Variants in IQGAP1 observed in about 807,000 individuals in gnomAD.
The protein encoded by IQGAP1 is IQ motif containing GTPase activating protein 1, also known as ras GTPase-activating-like protein IQGAP1.
IQGAP1 carries 66 observed loss-of-function variants against 215.6 expected under a neutral mutation model. The ratio of observed to expected loss-of-function variants is 0.31; its 90% CI spans 0.25 to 0.38. The LOEUF (loss-of-function observed/expected upper bound fraction) is 0.38. IQGAP1 is among the 10% of genes least tolerant of loss of function. The pLI, the probability that IQGAP1 is intolerant of heterozygous loss-of-function variation, is 1.00. For synonymous variants in IQGAP1, 772 were observed against 728.7 expected (o/e 1.06, Z -0.96); for missense variants, 1,712 against 1,997.1 (o/e 0.86, Z 2.72).
intron 35 of IQGAP1, chr15:90,494,033 C>G (rs1966240972): frequency 6.6e-6 from 1 of 152,146 alleles, no homozygotes; most frequent in Admixed American, 6.6e-5. Flanking sequence ...TTTTTTAATG[C>G]TGCATATTAT....
At chr15:90,426,692 C>T (rs993309900) in intron 3 of IQGAP1, among the ~76,000 whole-genome samples, 1 of 151,986 alleles carries the variant, frequency 6.6e-6, no homozygotes, top group South Asian at 2.1e-4. Context: ...CGGTGGCTCA[C>T]GCCGGTAATC....
chr15:90,473,543 TC>T (rs1440839123), intron 19 of IQGAP1, 171 bp from the exon 20 acceptor site: 14 of 592,470 alleles, frequency 2.4e-5, no homozygotes, highest in Non-Finnish European at 3.6e-5. Context: ...ATCGTGTTCT[TC>T]CAGTGGAGGG....
intron 5 of IQGAP1, among the ~76,000 whole-genome samples, 163 bp from the exon 6 acceptor site, chr15:90,439,167 CTG>C (rs1555437285): frequency 1.8e-5 from 1 of 55,296 alleles, no homozygotes; most frequent in African/African-American, 2.1e-4. Flanking sequence ...AAAAAAAAAA[CTG>C]AGGTAAATAG....
At position 90,500,291 on chromosome 15, in the gene IQGAP1, A is replaced by G. The variant is rs559828711; in HGVS notation, c.*183A>G. 21 of 541,238 alleles carry G rather than the reference A, an allele frequency of 3.9e-5. No individual in the cohort carries two copies. Among genetic ancestry groups the G allele is most frequent in the South Asian group, 1.7e-4 (7 of 41,762 alleles). 33.5% of individuals were successfully genotyped at this position (541,238 alleles called of 1,614,324 possible). On this transcript the variant is annotated 3_prime_UTR_variant, in exon 38 of 38. Transcript: ENST00000268182. ...ATGGGACATTTGTTACCCTTTTTTCATAGTGAAATTGTGTTTCAGGCTTAG... is the reference window on the plus strand; with the variant it reads ...ATGGGACATTTGTTACCCTTTTTTCGTAGTGAAATTGTGTTTCAGGCTTAG...
chr15:90,435,767 T>C (rs1343105805), intron 5 of IQGAP1, among the ~76,000 whole-genome samples: 3 of 152,184 alleles, frequency 2.0e-5, no homozygotes, highest in African/African-American at 7.2e-5. Context: ...AGAGAGGAAG[T>C]CTGCTATTGT....
chr15:90,395,469 C>T (rs1475271349), intron 2 of IQGAP1, among the ~76,000 whole-genome samples: 2 of 152,110 alleles, frequency 1.3e-5, no homozygotes, highest in Non-Finnish European at 2.9e-5. Context: ...TACAGGCGCC[C>T]ACCACCACGC....
At chr15:90,481,822 C>A in intron 26 of IQGAP1, 138 bp from the exon 27 acceptor site, 1 of 861,722 alleles carries the variant, frequency 1.2e-6, no homozygotes, top group Non-Finnish European at 1.8e-6. Context: ...CTAGACTTAT[C>A]ACTTACCAGC....
chr15:90,388,786 C>A (rs917600879), intron 1 of IQGAP1, among the ~76,000 whole-genome samples: 1 of 152,196 alleles, frequency 6.6e-6, no homozygotes, highest in Admixed American at 6.5e-5. Flanking sequence ...CGTGGAAAGG[C>A]GCTGCCCTAG....
chr15:90,495,925 G>GTTA (rs541106755), intron 36 of IQGAP1, among the ~76,000 whole-genome samples: 1,977 of 148,096 alleles, frequency 0.013, 25 homozygotes, highest in African/African-American at 0.029. Flanking sequence ...TTATTATTAT[G>GTTA]TTATTATTAT....
Position 90,475,186 on chromosome 15 carries a change from A to G in IQGAP1, c.2784+493A>G, listed in dbSNP as rs1001010656. Among the ~76,000 whole-genome samples, 5 of 151,756 alleles carry G rather than the reference A, an allele frequency of 3.3e-5. 1 individual carries two copies. The East Asian group carries it at 5.9e-4, about 18-fold the overall frequency. On this transcript the variant is annotated intron_variant, in intron 23 of 37. Coordinates refer to ENST00000268182, the MANE Select transcript of IQGAP1 (RefSeq NM_003870.4). ...GGTAATTTTTGTATTTTTACTGGAG[A>G]TGGCGTTTCGCCATGTTGACCAGGC...
intron 12 of IQGAP1, 34 bp downstream of exon 12, chr15:90,452,972 A>G: frequency 6.2e-7 from 1 of 1,610,010 alleles, no homozygotes; most frequent in South Asian, 1.1e-5. Flanking sequence ...TTTGTGAGCA[A>G]AGTTGGGTGG....
intron 8 of IQGAP1, 139 bp from the exon 9 acceptor site, chr15:90,443,255 C>A: frequency 1.9e-6 from 1 of 525,206 alleles, no homozygotes; most frequent in Non-Finnish European, 3.4e-6. Context: ...GTTACTGTGC[C>A]TGCTTTGTTC....
chr15:90,442,739 C>T (rs549191711), intron 8 of IQGAP1, among the ~76,000 whole-genome samples: 2 of 151,652 alleles, frequency 1.3e-5, no homozygotes, highest in Non-Finnish European at 2.9e-5. Flanking sequence ...GAGGCCAAGG[C>T]GGGCAGATCA....
At chr15:90,419,204 G>C (rs750392724) in intron 2 of IQGAP1, among the ~76,000 whole-genome samples, 1 of 151,374 alleles carries the variant, frequency 6.6e-6, no homozygotes, top group African/African-American at 2.4e-5. Flanking sequence ...TCAAGTGAGA[G>C]TTTACTTGCC....
intron 2 of IQGAP1, among the ~76,000 whole-genome samples, chr15:90,397,150 A>G (rs114442764): frequency 0.024 from 3,673 of 152,288 alleles, 132 homozygotes; most frequent in African/African-American, 0.081. Context: ...CACTGCACCC[A>G]GCCTAGCAAA....
intron 13 of IQGAP1, among the ~76,000 whole-genome samples, chr15:90,453,903 C>G (rs1363047809): frequency 6.6e-6 from 1 of 152,224 alleles, no homozygotes; most frequent in African/African-American, 2.4e-5. Flanking sequence ...ACTTTTCCCA[C>G]CATCCCACCA....
Position 90,467,592 on chromosome 15 carries a change from G to A in IQGAP1, c.2178G>A (p.Gln726=). The change falls in exon 18 of 38, where the codon CAG becomes CAA. Residue 726 remains glutamine, a splice_region_variant and synonymous_variant. Coordinates refer to ENST00000268182, the MANE Select transcript of IQGAP1 (RefSeq NM_003870.4). ...NSMQLSREEI[Q]SSISGVTAAY... Reference sequence around the variant, plus strand: ...TGCAGCTTTCTCGGGAGGAGATCCAGGTAGGTTACCTTTCTTCACGTAAGA... The same window carrying A: ...TGCAGCTTTCTCGGGAGGAGATCCAAGTAGGTTACCTTTCTTCACGTAAGA... 6.2e-7 allele frequency: 1 copy of A among 1,604,400 alleles called. No homozygotes were observed. Among genetic ancestry groups the A allele is most frequent in the Non-Finnish European group, 8.5e-7 (1 of 1,177,146 alleles).
At chr15:90,491,286 G>T (rs1966199893) in intron 33 of IQGAP1, 47 bp from the exon 34 acceptor site, 1 of 1,489,128 alleles carries the variant, frequency 6.7e-7, no homozygotes, top group East Asian at 2.3e-5. Context: ...TTCAAGTTTA[G>T]GATTAGTGTG....
chr15:90,398,282 G>A (rs749526538), intron 2 of IQGAP1, among the ~76,000 whole-genome samples: 1 of 152,150 alleles, frequency 6.6e-6, no homozygotes, highest in African/African-American at 2.4e-5. Flanking sequence ...AAGGTTGGTA[G>A]CCCTAGTTTT....
Sources: gnomAD v4.1 joint callset for allele counts (sites outside exome capture counted in the v4.1 genomes callset) on GRCh38, gnomAD v4.1.1 for gene constraint, MANE v1.5 for transcripts, NCBI Gene and HGNC (gene_info 2026-07-23, HGNC 2026-07-21) for gene names.